Variants in DDX17 observed in about 807,000 individuals in gnomAD.
DDX17 encodes probable ATP-dependent RNA helicase DDX17.
A neutral mutation model predicts 80.8 loss-of-function variants in DDX17; 10 were observed. The ratio of observed to expected loss-of-function variants is 0.12; its 90% confidence interval spans 0.08 to 0.21. The LOEUF (loss-of-function observed/expected upper bound fraction) is 0.21, where lower values mean the gene tolerates loss of function less well. DDX17 is among the 10% of genes least tolerant of loss of function. The pLI is 1.00. For missense variants in DDX17, 586 were observed against 957.4 expected, an observed-to-expected ratio of 0.61 and a Z score of 5.12; for synonymous variants, 339 against 336.2, an observed-to-expected ratio of 1.01 and a Z score of -0.09.
rs180724621 is a variant in DDX17, at chr22:38,488,012, G to A, written c.1551C>T (p.Thr517=). The A allele has an allele frequency of 5.6e-6, 9 of 1,614,076 alleles. No homozygotes were observed. The highest frequency in any genetic ancestry group is 4.5e-5 in the East Asian group (2 of 44,892). The stretch of plus-strand genomic sequence containing the variant: ...TCCCTGGGGTGAAGAAGGTATAGGC[G>A]GTACCCTTGTTGGTGCTACGGGCTG... Residue 517 remains threonine, a synonymous_variant, in exon 12 of 13, where the codon ACC becomes ACT. Coordinates refer to ENST00000403230, the MANE Select transcript of DDX17 (RefSeq NM_006386.5).
intron 10 of DDX17, 91 bp from the exon 11 acceptor site, chr22:38,492,206 C>T (rs1380791755): frequency 9.8e-7 from 1 of 1,022,760 alleles, no homozygotes; most frequent in South Asian, 1.6e-5. Flanking sequence ...AATAATGGTG[C>T]CAGAAAATCC....
chr22:38,500,989 A>AAC, intron 2 of DDX17, 141 bp downstream of exon 2: 1 of 1,198,208 alleles, frequency 8.3e-7, no homozygotes, highest in African/African-American at 1.6e-5. Flanking sequence ...AAAAAAAAAA[A>AAC]TTAACCAAAA....
At position 38,483,550 on chromosome 22, in the gene DDX17, G is replaced by C. The variant is rs1025348986; in HGVS notation, c.*2385C>G. 2.0e-5 allele frequency: 3 copies of C among 152,622 alleles called. No homozygotes were observed. Among genetic ancestry groups the C allele is most frequent in the Admixed American group, 1.3e-4 (2 of 15,268 alleles). 9.5% of individuals were successfully genotyped at this position (152,622 alleles called of 1,614,324 possible). ...ACATAGCTTTCAGCATCCTGTGCCT[G>C]AACATCACACATCTACAAGTCTTTC... On this transcript the variant is annotated 3_prime_UTR_variant, in exon 13 of 13. Transcript: ENST00000403230.
chr22:38,495,101 T>C (rs954545782), intron 6 of DDX17, 55 bp from the exon 7 acceptor site: 6 of 1,557,798 alleles, frequency 3.9e-6, no homozygotes, highest in African/African-American at 1.4e-5. Context: ...GGCTCACAGC[T>C]GTGTTCTAGC....
chr22:38,489,703 C>T lies in DDX17; in HGVS notation c.1448-1588G>A, dbSNP rs2089694274. 2.0e-6 allele frequency: 2 copies of T among 985,228 alleles called. No individual in the cohort carries two copies. The highest frequency in any genetic ancestry group is 2.4e-6 in the Non-Finnish European group (2 of 829,914). The allele number at this position is 985,228 out of a possible 1,614,324, so 61.0% of individuals were successfully genotyped here. A position where few individuals can be genotyped will look rare whatever the true frequency, so the allele number is the denominator to read the frequency against. ...GTTTCTTATTACAATAAAGGCTCCT[C>T]GGTCTTTACTGACCCCTAAAGTCCT... is the stretch of plus-strand genomic sequence containing the variant. On this transcript the variant is annotated intron_variant, in intron 11 of 12. Coordinates refer to ENST00000403230, the MANE Select transcript of DDX17 (RefSeq NM_006386.5). This position sits in a 1 kb window ranked among gnomAD's most constrained non-coding sequence, Gnocchi z 4.6.
Position 38,485,748 on chromosome 22 carries a change from A to T in DDX17, c.*187T>A, listed in dbSNP as rs1712932206. The T allele has an allele frequency of 1.4e-6, 1 of 715,452 alleles. No homozygotes were observed. Among genetic ancestry groups the T allele is most frequent in the Non-Finnish European group, 2.0e-6 (1 of 492,538 alleles). 44.3% of individuals were successfully genotyped at this position (715,452 alleles called of 1,614,324 possible). ...CAGACTGGATCATTTTGGTGGGCAG[A>T]AGAAACCTGGCAGTGAATTCTAACT... On this transcript the variant is annotated 3_prime_UTR_variant, in exon 13 of 13. Transcript: ENST00000403230.
At chr22:38,488,819 C>T in intron 11 of DDX17, 1 of 985,384 alleles carries the variant, frequency 1.0e-6, no homozygotes, top group Non-Finnish European at 1.2e-6. Flanking sequence ...TACTACCAAG[C>T]CCAGCTTCTG....
intron 12 of DDX17, among the ~76,000 whole-genome samples, chr22:38,487,663 G>A (rs1481842129): frequency 2.6e-5 from 4 of 151,330 alleles, no homozygotes; most frequent in African/African-American, 7.3e-5. Context: ...CAGTCTCTAA[G>A]AAAAAAAAAT....
chr22:38,489,120 G>C lies in DDX17; in HGVS notation c.1448-1005C>G. The C allele has an allele frequency of 1.0e-6, 1 of 984,396 alleles. No homozygotes were observed. Among genetic ancestry groups the C allele is most frequent in the South Asian group, 4.7e-5 (1 of 21,256 alleles). 61.0% of individuals were successfully genotyped at this position (984,396 alleles called of 1,614,324 possible). On this transcript the variant is annotated intron_variant, in intron 11 of 12. Transcript: ENST00000403230. This position sits in a 1 kb window ranked among gnomAD's most constrained non-coding sequence, Gnocchi z 4.6. ...ATATAACAAAGAATCCTACTGTTTTGTGGAAAAAAATCTGCATTTTACAAA... is the reference window on the plus strand; with the variant it reads ...ATATAACAAAGAATCCTACTGTTTTCTGGAAAAAAATCTGCATTTTACAAA...
At chr22:38,503,829 C>A (rs1160737885) in intron 1 of DDX17, among the ~76,000 whole-genome samples, 1 of 152,180 alleles carries the variant, frequency 6.6e-6, no homozygotes, top group Admixed American at 6.5e-5. Flanking sequence ...TTCAAAATAA[C>A]CACCACTTCA....
In DDX17 at chr22:38,487,886, TCCG is replaced by T. The variant is rs763833884; in HGVS notation, c.1674_1676del (p.Gly563del). 8 of 1,614,186 alleles carry T rather than the reference TCCG, an allele frequency of 5.0e-6. No individual in the cohort carries two copies. In the Admixed American group the frequency reaches 1.3e-4, roughly 27 times the overall value. On this transcript the variant is annotated inframe_deletion, in exon 12 of 13. Transcript: ENST00000403230. ...TCCAGGACTTACCCTTACCCCCGCC[TCCG>T]CCGCCTCCTCTGTGGTCCACAAGCT...
chr22:38,488,620 A>G (rs2089684924), intron 11 of DDX17: 5 of 988,376 alleles, frequency 5.1e-6, no homozygotes, highest in South Asian at 4.6e-5. Context: ...GGAGCTTCAT[A>G]TATTTTATTA....
intron 5 of DDX17, 51 bp downstream of exon 5, chr22:38,498,034 C>G (rs367602013): frequency 7.7e-6 from 12 of 1,552,918 alleles, no homozygotes; most frequent in Non-Finnish European, 9.8e-6. Context: ...CCTAAATAGT[C>G]GCTAAATTGT....
At chr22:38,500,745 A>T (rs1020946375) in intron 2 of DDX17, among the ~76,000 whole-genome samples, 3 of 139,530 alleles carry the variant, frequency 2.2e-5, no homozygotes. Context: ...TGAACCCAGG[A>T]GGCGGAGGTT....
At chr22:38,492,840 TAAGAG>T (rs2089726573) in intron 10 of DDX17, among the ~76,000 whole-genome samples, 1 of 152,146 alleles carries the variant, frequency 6.6e-6, no homozygotes, top group African/African-American at 2.4e-5. Context: ...TGGCTTCCCT[TAAGAG>T]TAGTCCTGAA....
intron 2 of DDX17, among the ~76,000 whole-genome samples, chr22:38,500,603 G>A (rs2089817947): frequency 1.3e-5 from 2 of 151,696 alleles, no homozygotes; most frequent in African/African-American, 2.4e-5. Flanking sequence ...GAGGTCCGAG[G>A]TCCGGAGTTT....
chr22:38,495,521 A>C (rs1475693773), intron 6 of DDX17, among the ~76,000 whole-genome samples: 1 of 152,188 alleles, frequency 6.6e-6, no homozygotes, highest in Admixed American at 6.5e-5. Flanking sequence ...CTGGGATTAC[A>C]GGCATGAGCC....
In DDX17 at chr22:38,498,561, T is replaced by A; in HGVS notation, c.551A>T (p.Asp184Val). Residue 184 changes from aspartate (D) to valine (V), a missense_variant, in exon 4 of 13, where the codon GAT becomes GTT. By Grantham distance (152) the Asp-to-Val change is radical. Transcript: ENST00000403230. ...TGTAAAGTGCTGATCCATCAACACA[T>A]CCATTACATATTCTGTAAGAGAATT... is the stretch of plus-strand genomic sequence containing the variant. 1 of 1,614,160 alleles carries A rather than the reference T, an allele frequency of 6.2e-7. No individual in the cohort carries two copies. Among genetic ancestry groups the A allele is most frequent in the South Asian group, 1.1e-5 (1 of 91,084 alleles).
Position 38,485,933 on chromosome 22 carries a change from T to C in DDX17, c.*2A>G. On this transcript the variant is annotated 3_prime_UTR_variant, in exon 13 of 13. Coordinates refer to ENST00000403230, the MANE Select transcript of DDX17 (RefSeq NM_006386.5). ...GCTGGAGTCACTACCACTTGAGTGG[T>C]TTCATTTACGTGAAGGAGGAGGAGG... The C allele has an allele frequency of 1.2e-6, 2 of 1,612,384 alleles. No homozygotes were observed. Among genetic ancestry groups the C allele is most frequent in the Non-Finnish European group, 1.7e-6 (2 of 1,179,746 alleles).
Sources: gnomAD v4.1 joint callset for allele counts (sites outside exome capture counted in the v4.1 genomes callset) on GRCh38, gnomAD v4.1.1 for gene constraint, Gnocchi (gnomAD v3.1) non-coding constraint, MANE v1.5 for transcripts, NCBI Gene and HGNC (gene_info 2026-07-23, HGNC 2026-07-21) for gene names.